Variants in GPC6 observed in about 807,000 individuals in gnomAD.
GPC6 encodes glypican 6.
Under a neutral mutation model 55.2 loss-of-function variants are expected in GPC6, and 14 were observed. The ratio of observed to expected loss-of-function variants is 0.25; its 90% confidence interval spans 0.17 to 0.40. GPC6 has a LOEUF of 0.40. Among genes scored for constraint, GPC6 ranks in the 10% least tolerant of loss-of-function variants. GPC6 has a pLI of 1.00. For missense variants in GPC6, 641 were observed against 708.5 expected, an observed-to-expected ratio of 0.90 and a Z score of 1.08; for synonymous variants, 278 against 259.6, an observed-to-expected ratio of 1.07 and a Z score of -0.68.
At chr13:93,697,813 C>T (rs1362823302) in intron 2 of GPC6, among the ~76,000 whole-genome samples, 2 of 152,150 alleles carry the variant, frequency 1.3e-5, no homozygotes. Flanking sequence ...AGAGAATGTT[C>T]TAAGCATCAA....
chr13:93,705,748 C>T lies in GPC6; in HGVS notation c.320-124406C>T, dbSNP rs181711168. Among the ~76,000 whole-genome samples, 197 of 151,700 alleles carry T rather than the reference C, an allele frequency of 1.3e-3. 1 individual carries two copies. The highest frequency in any genetic ancestry group is 4.5e-3 in the African/African-American group (188 of 41,426). On this transcript the variant is annotated intron_variant, in intron 2 of 8. Coordinates refer to ENST00000377047, the MANE Select transcript of GPC6 (RefSeq NM_005708.5). ...CCTCTGGCCAAGTCACTCTCACCGA[C>T]GTCTGTGGCACACTGAGTACTTGCC...
intron 3 of GPC6, among the ~76,000 whole-genome samples, chr13:93,858,891 A>G (rs772416597): frequency 7.9e-5 from 12 of 151,640 alleles, no homozygotes; most frequent in Non-Finnish European, 1.0e-4. Flanking sequence ...CATTGAAGCT[A>G]ACTTCAAAGT....
intron 2 of GPC6, among the ~76,000 whole-genome samples, chr13:93,611,651 A>G (rs1878465591): frequency 6.6e-6 from 1 of 152,188 alleles, no homozygotes; most frequent in Non-Finnish European, 1.5e-5. Flanking sequence ...CAATAAAGTG[A>G]TTCATCAGTT....
chr13:93,787,546 A>T (rs1260076635), intron 2 of GPC6, among the ~76,000 whole-genome samples: 1 of 152,150 alleles, frequency 6.6e-6, no homozygotes, highest in Non-Finnish European at 1.5e-5. Context: ...AATTATTTTT[A>T]TGTTTATTTT....
chr13:93,669,656 G>A (rs1248843355), intron 2 of GPC6, among the ~76,000 whole-genome samples: 1 of 152,110 alleles, frequency 6.6e-6, no homozygotes, highest in African/African-American at 2.4e-5. Flanking sequence ...TTGAAGCTGA[G>A]GCCTGTGGGA....
At chr13:93,929,991 G>A (rs997087717) in intron 3 of GPC6, among the ~76,000 whole-genome samples, 3 of 151,894 alleles carry the variant, frequency 2.0e-5, no homozygotes, top group Admixed American at 6.6e-5. Flanking sequence ...GTAAGTTTAC[G>A]GAGATTCATT....
intron 1 of GPC6, among the ~76,000 whole-genome samples, chr13:93,391,362 T>C (rs922900325): frequency 1.3e-5 from 2 of 152,136 alleles, no homozygotes; most frequent in African/African-American, 4.8e-5. Context: ...TCCCCATAAC[T>C]GATGTCTACC....
At chr13:93,889,248 A>G (rs1875521388) in intron 3 of GPC6, among the ~76,000 whole-genome samples, 1 of 152,124 alleles carries the variant, frequency 6.6e-6, no homozygotes, top group Admixed American at 6.6e-5. Context: ...TCACTTTAAT[A>G]CAGCCTGTCA....
chr13:94,086,748 A>G (rs1885296057), intron 4 of GPC6, among the ~76,000 whole-genome samples: 1 of 152,190 alleles, frequency 6.6e-6, no homozygotes, highest in Non-Finnish European at 1.5e-5. Context: ...TATAAAATGT[A>G]AAAACACCAC....
intron 4 of GPC6, among the ~76,000 whole-genome samples, chr13:94,206,896 T>C (rs1437511837): frequency 2.0e-5 from 3 of 152,144 alleles, no homozygotes; most frequent in African/African-American, 7.2e-5. Context: ...TTTGCCTGTG[T>C]ATTTGCCTTT....
chr13:93,510,957 A>ATATATATATGTGTATATATATATGTG (rs1566396572), intron 1 of GPC6, among the ~76,000 whole-genome samples: 7 of 14,770 alleles, frequency 4.7e-4, no homozygotes, highest in Admixed American at 1.9e-3. Flanking sequence ...AGAAATATAT[A>ATATATATATGTGTATATATATATGTG]TATATATATA....
At chr13:93,546,821 A>G (rs2139435823) in intron 2 of GPC6, among the ~76,000 whole-genome samples, 1 of 152,306 alleles carries the variant, frequency 6.6e-6, no homozygotes, top group South Asian at 2.1e-4. Context: ...ATCTGTTGCC[A>G]GTGATTTTGA....
chr13:93,936,701 A>T (rs1034189979), intron 3 of GPC6, among the ~76,000 whole-genome samples: 9 of 152,224 alleles, frequency 5.9e-5, no homozygotes, highest in African/African-American at 2.2e-4. Context: ...CAATGCATTA[A>T]AGATGAAACT....
chr13:93,861,118 TTGTC>T (rs1307510399), intron 3 of GPC6, among the ~76,000 whole-genome samples: 15 of 151,488 alleles, frequency 9.9e-5, no homozygotes, highest in African/African-American at 2.4e-5. Context: ...CCTTAGAACA[TTGTC>T]TGGCCACAAT....
intron 4 of GPC6, among the ~76,000 whole-genome samples, chr13:94,074,847 G>C (rs573559195): frequency 4.6e-5 from 7 of 152,216 alleles, no homozygotes; most frequent in African/African-American, 1.7e-4. Context: ...ATGTTGATTA[G>C]ATCACAGTGA....
intron 4 of GPC6, among the ~76,000 whole-genome samples, chr13:94,032,660 T>G (rs547635987): frequency 6.6e-6 from 1 of 152,312 alleles, no homozygotes; most frequent in Admixed American, 6.5e-5. Flanking sequence ...AAAGTTGAGT[T>G]ATCTTGATTT....
chr13:93,675,485 C>T (rs1251994812), intron 2 of GPC6, among the ~76,000 whole-genome samples: 1 of 152,042 alleles, frequency 6.6e-6, no homozygotes, highest in Non-Finnish European at 1.5e-5. Context: ...CCTTTTTCTA[C>T]ATCAATTATT....
chr13:93,911,377 A>C (rs1876968178), intron 3 of GPC6, among the ~76,000 whole-genome samples: 1 of 151,192 alleles, frequency 6.6e-6, no homozygotes, highest in Admixed American at 6.6e-5. Flanking sequence ...ACTTTATAGA[A>C]CGTAACTACC....
At chr13:93,221,076 T>A in the GPC6 span, among the ~76,000 whole-genome samples, 4 of 152,078 alleles carry the variant, frequency 2.6e-5, no homozygotes, top group African/African-American at 9.6e-5. Flanking sequence ...AGAAATAGGA[T>A]TTCGATATGT....
Sources: allele counts gnomAD v4.1 joint callset (sites outside exome capture counted in the v4.1 genomes callset), GRCh38; gene constraint gnomAD v4.1.1; transcripts MANE v1.5; gene names NCBI Gene and HGNC (gene_info 2026-07-23, HGNC 2026-07-21).